Variants in MAP3K8 observed in about 807,000 individuals in gnomAD.
MAP3K8 encodes Ewing sarcoma transformant.
MAP3K8 carries 22 observed loss-of-function variants against 45.8 expected under a neutral mutation model. The observed-to-expected ratio is 0.48, with a 90% confidence interval of 0.34 to 0.69. MAP3K8 has a LOEUF of 0.69. Ranked by LOEUF, MAP3K8 falls within the 30% of genes least tolerant of loss-of-function variation. The pLI is 0.01. For synonymous variants in MAP3K8, 223 were observed against 214.3 expected (o/e 1.04, Z -0.36); for missense variants, 419 against 585.0 (o/e 0.72, Z 2.93).
chr10:30,442,636 G>C (rs984763635), intron 3 of MAP3K8, among the ~76,000 whole-genome samples: 1 of 152,290 alleles, frequency 6.6e-6, no homozygotes, highest in African/African-American at 2.4e-5. Flanking sequence ...AATTGCTTTG[G>C]GTAAGAGTGC....
Position 30,459,357 on chromosome 10 carries a change from C to T in MAP3K8, c.1129C>T (p.Pro377Ser), listed in dbSNP as rs143874924. Reference sequence around the variant, plus strand: ...CCTGGAGAGAAACCCCAATCACCGCCCAAGAGCCGCAGACCTACTAAAACA... The same window carrying T: ...CCTGGAGAGAAACCCCAATCACCGCTCAAGAGCCGCAGACCTACTAAAACA... ...ASLERNPNHR[P>S]RAADLLKHEA... Residue 377 changes from proline to serine, a missense_variant, in exon 8 of 9, where the codon CCA (proline) becomes TCA (serine). Physicochemically the swap from Pro to Ser is moderately conservative, Grantham distance 74. Coordinates refer to ENST00000263056, the MANE Select transcript of MAP3K8 (RefSeq NM_005204.4). The T allele has an allele frequency of 6.2e-7, 1 of 1,614,094 alleles. No homozygotes were observed. The highest frequency in any genetic ancestry group is 8.5e-7 in the Non-Finnish European group (1 of 1,180,024).
chr10:30,439,240 A>G lies in MAP3K8; in HGVS notation c.302A>G (p.Gln101Arg). The G allele has an allele frequency of 6.2e-7, 1 of 1,614,198 alleles. No homozygotes were observed. The highest frequency in any genetic ancestry group is 1.6e-4 in the Middle Eastern group (1 of 6,062). ...ISNTAKHFYG[Q>R]RPQESGILLN... is the part of the protein sequence containing the mutation. ...AACACTGCAAAGCATTTTTATGGAC[A>G]ACGACCACAGGAATCTGGAATTTTA... Residue 101 changes from glutamine to arginine, a missense_variant, in exon 3 of 9, where the codon CAA becomes CGA. This residue lies in a region of MAP3K8 where 209 missense variants were observed against 367.3 expected (regional missense o/e 0.57). Coordinates refer to ENST00000263056, the MANE Select transcript of MAP3K8 (RefSeq NM_005204.4).
At chr10:30,457,966 T>C in intron 6 of MAP3K8, 118 bp from the exon 7 acceptor site, 1 of 797,046 alleles carries the variant, frequency 1.3e-6, no homozygotes, top group Non-Finnish European at 1.8e-6. Context: ...TCCTGGGGAA[T>C]GCCTGCATTA....
At chr10:30,436,879 G>C (rs1279599383) in intron 1 of MAP3K8, among the ~76,000 whole-genome samples, 2 of 151,256 alleles carry the variant, frequency 1.3e-5, no homozygotes, top group Non-Finnish European at 2.9e-5. Flanking sequence ...AACCCCTGAG[G>C]CCCTAAATTA....
chr10:30,450,619 T>C, intron 5 of MAP3K8, 100 bp downstream of exon 5: 1 of 1,076,324 alleles, frequency 9.3e-7, no homozygotes, highest in Non-Finnish European at 1.4e-6. Flanking sequence ...CCATGGAGGG[T>C]GGAAAGCTCC....
intron 3 of MAP3K8, among the ~76,000 whole-genome samples, chr10:30,445,627 T>C (rs1836297027): frequency 6.6e-6 from 1 of 152,118 alleles, no homozygotes; most frequent in South Asian, 2.1e-4. Context: ...GGACTAAATC[T>C]ATCATGTTCT....
chr10:30,439,162 C>T lies in MAP3K8; in HGVS notation c.224C>T (p.Ser75Leu). 1 of 1,614,236 alleles carries T rather than the reference C, an allele frequency of 6.2e-7. No homozygotes were observed. The highest frequency in any genetic ancestry group is 8.5e-7 in the Non-Finnish European group (1 of 1,180,034). Residue 75 changes from serine (S) to leucine (L), a missense_variant, in exon 3 of 9, where the codon TCA becomes TTA. Physicochemically the swap from Ser to Leu is moderately radical, Grantham distance 145. Transcript: ENST00000263056. ...GGCCAAGAGGTACCATGGTTGTCAT[C>T]AGTCAGATATGGAACTGTGGAGGAT... ...LSGQEVPWLS[S>L]VRYGTVEDLL...
At chr10:30,460,665 A>G in intron 8 of MAP3K8, 41 bp from the exon 9 acceptor site, 1 of 1,543,100 alleles carries the variant, frequency 6.5e-7, no homozygotes, top group Non-Finnish European at 8.8e-7. Context: ...ATCATTTGAC[A>G]CGTTTTCTTG....
intron 3 of MAP3K8, 45 bp downstream of exon 3, chr10:30,439,319 C>T (rs1436922715): frequency 1.2e-6 from 2 of 1,606,156 alleles, no homozygotes; most frequent in African/African-American, 1.3e-5. Flanking sequence ...CTCAGCTTTC[C>T]TACTGCAGCT....
chr10:30,459,113 G>T lies in MAP3K8; in HGVS notation c.1027-142G>T, dbSNP rs935104974. 23 of 815,572 alleles carry T rather than the reference G, an allele frequency of 2.8e-5. No homozygotes were observed. In the African/African-American group the frequency reaches 3.2e-4, roughly 12 times the overall value. 50.5% of individuals were successfully genotyped at this position (815,572 alleles called of 1,614,324 possible). A position where few individuals can be genotyped will look rare whatever the true frequency, so the allele number is the denominator to read the frequency against. On this transcript the variant is annotated intron_variant, in intron 7 of 8. Transcript: ENST00000263056. ...GAAAAAAGAAATTAAAGGGAAGCTT[G>T]CTTGCTTAAGGGCTGAACTGCATTC...
At chr10:30,448,914 A>G (rs1836440355) in intron 4 of MAP3K8, among the ~76,000 whole-genome samples, 1 of 152,204 alleles carries the variant, frequency 6.6e-6, no homozygotes, top group South Asian at 2.1e-4. Context: ...GCATGTTCAT[A>G]TCTGCACTAT....
At chr10:30,459,880 T>C (rs1388742376) in intron 8 of MAP3K8, among the ~76,000 whole-genome samples, 2 of 152,120 alleles carry the variant, frequency 1.3e-5, no homozygotes, top group Non-Finnish European at 2.9e-5. Context: ...TCTTGCTCTG[T>C]TGCCGAGGCT....
At position 30,439,279 on chromosome 10, in the gene MAP3K8, G is replaced by A. The variant is rs1482197895; in HGVS notation, c.336+5G>A. On this transcript the variant is annotated splice_donor_5th_base_variant and intron_variant, in intron 3 of 8. Coordinates refer to ENST00000263056, the MANE Select transcript of MAP3K8 (RefSeq NM_005204.4). Reference sequence around the variant, plus strand: ...TCTGGAATTTTATTAAACATGGTACGTTTCTTTCCGATCAGTTGGGTGCTA... The same window carrying A: ...TCTGGAATTTTATTAAACATGGTACATTTCTTTCCGATCAGTTGGGTGCTA... 1.9e-6 allele frequency: 3 copies of A among 1,613,968 alleles called. No homozygotes were observed. Among genetic ancestry groups the A allele is most frequent in the African/African-American group, 1.3e-5 (1 of 74,916 alleles).
chr10:30,448,731 C>G (rs1836432763), intron 4 of MAP3K8, among the ~76,000 whole-genome samples: 1 of 152,038 alleles, frequency 6.6e-6, no homozygotes, highest in Non-Finnish European at 1.5e-5. Context: ...CGCGCCCTGC[C>G]CTTATCCCTT....
chr10:30,439,842 C>G (rs1224360743), intron 3 of MAP3K8, among the ~76,000 whole-genome samples: 1 of 152,150 alleles, frequency 6.6e-6, no homozygotes, highest in Admixed American at 6.6e-5. Flanking sequence ...TTTAATTTAA[C>G]AGTTCACTAA....
chr10:30,460,084 C>A (rs545410679), intron 8 of MAP3K8, among the ~76,000 whole-genome samples: 1 of 152,346 alleles, frequency 6.6e-6, no homozygotes, highest in Non-Finnish European at 1.5e-5. Context: ...CTCAGGCAAT[C>A]CACCTGCCTT....
intron 6 of MAP3K8, among the ~76,000 whole-genome samples, chr10:30,452,647 T>C (rs1223383777): frequency 1.3e-5 from 2 of 151,038 alleles, no homozygotes; most frequent in Non-Finnish European, 3.0e-5. Context: ...CCCCCCAAAA[T>C]AGATCATATC....
rs187022846 is a variant in MAP3K8, at chr10:30,457,838, G to A, written c.874-246G>A. 1.0e-3 allele frequency among the ~76,000 whole-genome samples: 158 copies of A among 152,208 alleles called. No homozygotes were observed. The East Asian group carries it at 0.019, about 18-fold the overall frequency. On this transcript the variant is annotated intron_variant, in intron 6 of 8. Coordinates refer to ENST00000263056, the MANE Select transcript of MAP3K8 (RefSeq NM_005204.4). ...ATTTTTGTATTTTTAGTAGAGACCA[G>A]GCTGGTTTTGAACTCCTGATCCGCC...
intron 1 of MAP3K8, chr10:30,434,801 T>C (rs1472398101): frequency 3.0e-6 from 3 of 983,684 alleles, no homozygotes; most frequent in Non-Finnish European, 2.4e-6. Flanking sequence ...GCTGGGTGCT[T>C]TGATAATTTA....
Sources: allele counts gnomAD v4.1 joint callset (sites outside exome capture counted in the v4.1 genomes callset), GRCh38; gene constraint gnomAD v4.1.1; regional missense constraint gnomAD v4.1.1; transcripts MANE v1.5; gene names NCBI Gene and HGNC (gene_info 2026-07-23, HGNC 2026-07-21).